Variants in CEP112 observed in about 807,000 individuals in gnomAD.
CEP112 encodes centrosomal protein of 112 kDa.
In CEP112, 127 loss-of-function variants were observed where a neutral mutation model predicts 153.0. The observed-to-expected ratio is 0.83, with a 90% CI of 0.72 to 0.96. The LOEUF is 0.96. Among genes scored for constraint, CEP112 ranks in the 40% least tolerant of loss-of-function variants. The pLI is 0.00. For synonymous variants in CEP112, 358 were observed against 374.4 expected, an observed-to-expected ratio of 0.96 and a Z score of 0.51; for missense variants, 1,089 against 1,101.2, an observed-to-expected ratio of 0.99 and a Z score of 0.16.
chr17:65,812,077 T>G (rs889358629), intron 21 of CEP112, among the ~76,000 whole-genome samples: 4 of 151,954 alleles, frequency 2.6e-5, no homozygotes, highest in African/African-American at 9.7e-5. Flanking sequence ...GATCTCGGCT[T>G]ACTGCAAGCT....
Position 65,820,632 on chromosome 17 carries a change from T to C in CEP112, c.2394+31172A>G, listed in dbSNP as rs575134599. Among the ~76,000 whole-genome samples the C allele has an allele frequency of 2.6e-5, 4 of 152,242 alleles. No homozygotes were observed. The South Asian group carries it at 8.3e-4, about 32-fold the overall frequency. On this transcript the variant is annotated intron_variant, in intron 21 of 26. Transcript: ENST00000535342. ...AATGGGCCATTCGCTATAATCTAAG[T>C]ATGGCAATTCTGATAATTTCTTATT...
At position 65,852,005 on chromosome 17, in the gene CEP112, G is replaced by T. The variant is rs759738653; in HGVS notation, c.2193C>A (p.His731Gln). 1 of 1,612,172 alleles carries T rather than the reference G, an allele frequency of 6.2e-7. No homozygotes were observed. The highest frequency in any genetic ancestry group is 1.7e-5 in the Admixed American group (1 of 59,700). ...QVIADMEAQV[H>Q]KLREELINVN... ...CATTGATCAATTCTTCTCTCAACTT[G>T]TGAACCTGGGCCTCCATGTCGGCAA... The change falls in exon 21 of 27, where the codon CAC (histidine) becomes CAA (glutamine). Residue 731 changes from histidine (H) to glutamine (Q), a missense_variant. Transcript: ENST00000535342.
chr17:65,768,608 T>G lies in CEP112; in HGVS notation c.2395-17884A>C, dbSNP rs188981177. On this transcript the variant is annotated intron_variant, in intron 21 of 26. Transcript: ENST00000535342. The stretch of plus-strand genomic sequence containing the variant: ...CAACAACACATCAATACATCGTGAT[T>G]AAGTGGGTTTTACCCCTGACATGCA... Among the ~76,000 whole-genome samples, 408 of 152,240 alleles carry G rather than the reference T, an allele frequency of 2.7e-3. 1 individual carries two copies. Among genetic ancestry groups the G allele is most frequent in the African/African-American group, 9.5e-3 (396 of 41,566 alleles).
At position 65,914,315 on chromosome 17, in the gene CEP112, TG is replaced by T. The variant is rs2060394491; in HGVS notation, c.1981-11982del. On this transcript the variant is annotated intron_variant, in intron 19 of 26. Transcript: ENST00000535342. ...ATGAAATATAAAAATCATGTAAGTT[TG>T]CCAGCTACAGTTCGTAATTTAGAAG... is the stretch of plus-strand genomic sequence containing the variant. 3.3e-5 allele frequency among the ~76,000 whole-genome samples: 5 copies of T among 151,208 alleles called. No individual in the cohort carries two copies. In the South Asian group the frequency reaches 1.1e-3, roughly 32 times the overall value.
intron 21 of CEP112, among the ~76,000 whole-genome samples, chr17:65,806,924 A>T (rs181050965): frequency 1.2e-4 from 19 of 152,320 alleles, no homozygotes; most frequent in Admixed American, 1.2e-3. Context: ...AAGATGTGGA[A>T]GTGACTTTGG....
chr17:66,029,250 C>T lies in CEP112; in HGVS notation c.1376G>A (p.Arg459His), dbSNP rs774572812. The T allele has an allele frequency of 3.4e-5, 55 of 1,605,048 alleles. No homozygotes were observed. In the East Asian group the frequency reaches 5.6e-4, roughly 16 times the overall value. ...CSELQEVKAR[R>H]NTLHKEKDHL... ...GTCCTTCTCTTTATGCAGTGTGTTACGCCTAAAAACAAGAGAATAAAATAG... is the reference window on the plus strand; with the variant it reads ...GTCCTTCTCTTTATGCAGTGTGTTATGCCTAAAAACAAGAGAATAAAATAG... The change falls in exon 14 of 27, where the codon CGT becomes CAT. Residue 459 changes from arginine (R) to histidine (H), a missense_variant and splice_region_variant. Arg to His is a conservative substitution (Grantham distance 29). Transcript: ENST00000535342.
At chr17:65,780,716 C>A (rs189400893) in intron 21 of CEP112, among the ~76,000 whole-genome samples, 25 of 152,036 alleles carry the variant, frequency 1.6e-4, no homozygotes, top group African/African-American at 5.8e-4. Context: ...ACATGAGTGG[C>A]CATTCTGTGG....
At chr17:66,115,926 C>T (rs531898933) in intron 6 of CEP112, among the ~76,000 whole-genome samples, 30 of 152,254 alleles carry the variant, frequency 2.0e-4, no homozygotes, top group African/African-American at 6.0e-4. Context: ...GTTGGCTATG[C>T]CAGTGTGATA....
intron 21 of CEP112, among the ~76,000 whole-genome samples, chr17:65,819,669 A>G (rs573573888): frequency 3.3e-4 from 50 of 152,188 alleles, no homozygotes; most frequent in Non-Finnish European, 6.0e-4. Flanking sequence ...CATCTGAGAA[A>G]GGCACAATAT....
intron 4 of CEP112, among the ~76,000 whole-genome samples, chr17:66,134,641 C>G (rs2070356002): frequency 6.6e-6 from 1 of 152,056 alleles, no homozygotes; most frequent in African/African-American, 2.4e-5. Context: ...AGTTTGAGAC[C>G]AGCCTGGGCA....
At chr17:65,700,567 G>A (rs1194411891) in intron 23 of CEP112, among the ~76,000 whole-genome samples, 1 of 152,160 alleles carries the variant, frequency 6.6e-6, no homozygotes, top group African/African-American at 2.4e-5. Flanking sequence ...CGAAGGCATG[G>A]CCAAGCAGAG....
chr17:66,175,041 T>C lies in CEP112; in HGVS notation c.470+3A>G, dbSNP rs1431519381. ...CATTCAAAATCCCATTCTCTTTACA[T>C]ACCTGTAGACATCAGTTGGCGACTG... On this transcript the variant is annotated splice_donor_region_variant and intron_variant, in intron 4 of 26. Coordinates refer to ENST00000535342, the MANE Select transcript of CEP112 (RefSeq NM_001199165.4). 1.9e-6 allele frequency: 3 copies of C among 1,585,456 alleles called. No homozygotes were observed. Among genetic ancestry groups the C allele is most frequent in the East Asian group, 2.3e-5 (1 of 43,870 alleles).
intron 21 of CEP112, among the ~76,000 whole-genome samples, chr17:65,845,505 A>G (rs561610604): frequency 6.6e-6 from 1 of 152,308 alleles, no homozygotes; most frequent in South Asian, 2.1e-4. Context: ...TATTTTACAT[A>G]TACATTAAAT....
At chr17:65,973,805 C>T (rs980990131) in intron 17 of CEP112, among the ~76,000 whole-genome samples, 1 of 152,042 alleles carries the variant, frequency 6.6e-6, no homozygotes, top group Non-Finnish European at 1.5e-5. Flanking sequence ...TATGTTCACA[C>T]GTATATCTTT....
intron 24 of CEP112, among the ~76,000 whole-genome samples, chr17:65,674,063 G>A (rs984807038): frequency 1.3e-5 from 2 of 152,070 alleles, no homozygotes; most frequent in African/African-American, 2.4e-5. Flanking sequence ...TTTTAGTAGA[G>A]ACAGGGTTTC....
chr17:65,977,326 C>T (rs562079906), intron 17 of CEP112, among the ~76,000 whole-genome samples: 5 of 152,304 alleles, frequency 3.3e-5, no homozygotes, highest in Admixed American at 1.3e-4. Context: ...AGGTTTTCAG[C>T]TTCTGCATTG....
At chr17:65,662,576 C>T (rs1247380253) in intron 24 of CEP112, among the ~76,000 whole-genome samples, 2 of 152,050 alleles carry the variant, frequency 1.3e-5, no homozygotes, top group Non-Finnish European at 2.9e-5. Flanking sequence ...AAATCATATT[C>T]TGATGATGTC....
intron 4 of CEP112, among the ~76,000 whole-genome samples, chr17:66,140,078 C>A (rs2070622028): frequency 6.6e-6 from 1 of 152,128 alleles, no homozygotes. Context: ...AATCATACAC[C>A]ATAATCAAGT....
chr17:65,882,443 T>C (rs962612297), intron 20 of CEP112, among the ~76,000 whole-genome samples: 4 of 152,204 alleles, frequency 2.6e-5, no homozygotes, highest in Non-Finnish European at 5.9e-5. Context: ...TCGGAAATCA[T>C]TATTATTTGG....
Sources: gnomAD v4.1 joint callset for allele counts (sites outside exome capture counted in the v4.1 genomes callset) on GRCh38, gnomAD v4.1.1 for gene constraint, MANE v1.5 for transcripts, NCBI Gene and HGNC (gene_info 2026-07-23, HGNC 2026-07-21) for gene names.